The following NOVA2 variants were observed in gnomAD, a reference collection of about 807,000 sequenced individuals.
NOVA2 encodes the protein NOVA alternative splicing regulator 2.
NOVA2 carries 9 observed loss-of-function variants against 22.5 expected under a neutral mutation model. The observed-to-expected ratio is 0.40, with a 90% confidence interval of 0.24 to 0.70. The LOEUF is 0.70. NOVA2 is among the 30% of genes least tolerant of loss of function. NOVA2 has a pLI of 0.38. For synonymous variants in NOVA2, 318 were observed against 335.2 expected (o/e 0.95, Z 0.56); for missense variants, 383 against 682.8 (o/e 0.56, Z 4.89).
At position 45,961,256 on chromosome 19, in the gene NOVA2, G is replaced by T. The variant is rs374752656; in HGVS notation, c.86-103C>A. On this transcript the variant is annotated intron_variant, in intron 1 of 3. Transcript: ENST00000263257. ...CCAGGGGTCACAGTAGCAGTATGGA[G>T]AATAATACAAATAATGATCTTCATT... 1.8e-5 allele frequency: 12 copies of T among 683,138 alleles called. No individual in the cohort carries two copies. The East Asian group carries it at 2.5e-4, about 14-fold the overall frequency. 42.3% of individuals were successfully genotyped at this position (683,138 alleles called of 1,614,324 possible).
At chr19:45,943,058 T>C (rs1043970441) in intron 3 of NOVA2, among the ~76,000 whole-genome samples, 1 of 149,832 alleles carries the variant, frequency 6.7e-6, no homozygotes, top group Non-Finnish European at 1.5e-5. Context: ...GTCTACTTTT[T>C]TTTTTTTTTT....
chr19:45,968,268 G>A (rs1968191566), intron 1 of NOVA2, among the ~76,000 whole-genome samples: 1 of 151,882 alleles, frequency 6.6e-6, no homozygotes, highest in Admixed American at 6.6e-5. Context: ...GGAGGCTGGG[G>A]TTTGACATCG....
At chr19:45,947,530 G>A (rs1967860470) in intron 3 of NOVA2, among the ~76,000 whole-genome samples, 1 of 151,082 alleles carries the variant, frequency 6.6e-6, no homozygotes, top group African/African-American at 2.4e-5. Flanking sequence ...CTAGAGTGCA[G>A]TGGCGCAATC....
chr19:45,956,205 G>A (rs928053384), intron 2 of NOVA2, among the ~76,000 whole-genome samples: 32 of 149,226 alleles, frequency 2.1e-4, no homozygotes, highest in African/African-American at 6.4e-4. Context: ...GTCTGCCTCC[G>A]TCTGGTGTAA....
At chr19:45,961,644 T>C (rs1257731861) in intron 1 of NOVA2, among the ~76,000 whole-genome samples, 2 of 152,064 alleles carry the variant, frequency 1.3e-5, no homozygotes, top group African/African-American at 4.8e-5. Context: ...ACCTGATAGG[T>C]GCTATACTGT....
chr19:45,953,388 T>G (rs1043122653), intron 3 of NOVA2, among the ~76,000 whole-genome samples: 2 of 152,154 alleles, frequency 1.3e-5, no homozygotes, highest in African/African-American at 4.8e-5. Flanking sequence ...TAAACTCTTC[T>G]GGATGTGGCT....
Position 45,935,144 on chromosome 19 carries a change from T to TGGGGGGGGGGGGG in NOVA2, c.*4718_*4719insCCCCCCCCCCCCC, listed in dbSNP as rs1967638481. 4.2e-5 allele frequency: 1 copy of TGGGGGGGGGGGGG among 23,954 alleles called. No individual in the cohort carries two copies. Among genetic ancestry groups the TGGGGGGGGGGGGG allele is most frequent in the Non-Finnish European group, 8.6e-5 (1 of 11,602 alleles). 1.5% of individuals were successfully genotyped at this position (23,954 alleles called of 1,614,324 possible). ...GGGAGAGGTGGGGTAGGGAAAGGGG[T>TGGGGGGGGGGGGG]GGGGGAGGGGGGGTTAGGCAGTCCC... is the stretch of plus-strand genomic sequence containing the variant. On this transcript the variant is annotated 3_prime_UTR_variant, in exon 4 of 4. Coordinates refer to ENST00000263257, the MANE Select transcript of NOVA2 (RefSeq NM_002516.4).
chr19:45,952,248 C>T (rs1219585911), intron 3 of NOVA2, among the ~76,000 whole-genome samples: 6 of 152,170 alleles, frequency 3.9e-5, no homozygotes, highest in Non-Finnish European at 1.5e-5. Flanking sequence ...TTTCAAACAT[C>T]AACGAACACT....
chr19:45,946,815 C>G (rs925219937), intron 3 of NOVA2, among the ~76,000 whole-genome samples: 1 of 149,928 alleles, frequency 6.7e-6, no homozygotes, highest in African/African-American at 2.5e-5. Context: ...GAGGTTGCAG[C>G]GAGCCGAGAT....
intron 2 of NOVA2, among the ~76,000 whole-genome samples, chr19:45,958,498 AGTGT>A (rs755217404): frequency 1.4e-5 from 2 of 139,414 alleles, no homozygotes; most frequent in South Asian, 2.2e-4. Context: ...AATGAGTGTG[AGTGT>A]GTGTAAGCAT....
chr19:45,961,073 C>G lies in NOVA2; in HGVS notation c.166G>C (p.Val56Leu). 1 of 1,585,610 alleles carries G rather than the reference C, an allele frequency of 6.3e-7. No individual in the cohort carries two copies. Among genetic ancestry groups the G allele is most frequent in the Non-Finnish European group, 8.6e-7 (1 of 1,165,592 alleles). ...GCTCCGGTCTCCTTCTGCAGCTGCA[C>G]GATGGTCTGCCCGCCCTTGCCAATG... ...SIIGKGGQTI[V>L]QLQKETGATI... The change falls in exon 2 of 4, where the codon GTG (valine) becomes CTG (leucine). Residue 56 changes from valine to leucine, a missense_variant. Val to Leu is a conservative substitution (Grantham distance 32, BLOSUM62 1). This residue lies in a region of NOVA2 where 349 missense variants were observed against 578.1 expected (regional missense o/e 0.60). Coordinates refer to ENST00000263257, the MANE Select transcript of NOVA2 (RefSeq NM_002516.4).
At chr19:45,954,867 T>C (rs8103856) in intron 2 of NOVA2, among the ~76,000 whole-genome samples, 19 of 149,844 alleles carry the variant, frequency 1.3e-4, no homozygotes, top group African/African-American at 4.3e-4. Context: ...TGTGTGTGTG[T>C]GTGTGTGTGT....
intron 1 of NOVA2, among the ~76,000 whole-genome samples, chr19:45,971,599 G>A (rs1336204666): frequency 1.3e-5 from 2 of 152,122 alleles, no homozygotes; most frequent in Non-Finnish European, 2.9e-5. Context: ...TAGGATGGGA[G>A]GAAGAAAGTC....
chr19:45,972,540 G>C (rs1250921563), intron 1 of NOVA2, among the ~76,000 whole-genome samples: 1 of 152,012 alleles, frequency 6.6e-6, no homozygotes, highest in Non-Finnish European at 1.5e-5. Context: ...ACCTTTCCTT[G>C]TCACACGTAC....
Position 45,958,570 on chromosome 19 carries a change from GGTGTGA to G in NOVA2, c.229+2434_229+2439del, listed in dbSNP as rs917444197. ...GTGTAAGCGTGTGTGTGGGTGTGAGGGTGTGAGTGTGAATGAGTGTGTGTGAGCATG... is the reference window on the plus strand; with the variant it reads ...GTGTAAGCGTGTGTGTGGGTGTGAGGGTGTGAATGAGTGTGTGTGAGCATG... On this transcript the variant is annotated intron_variant, in intron 2 of 3. Transcript: ENST00000263257. Among the ~76,000 whole-genome samples the G allele has an allele frequency of 2.0e-5, 3 of 149,292 alleles. No homozygotes were observed. The East Asian group carries it at 5.8e-4, about 29-fold the overall frequency.
At chr19:45,960,224 G>A (rs1045908514) in intron 2 of NOVA2, among the ~76,000 whole-genome samples, 14 of 145,960 alleles carry the variant, frequency 9.6e-5, no homozygotes, top group Non-Finnish European at 1.3e-4. Context: ...AATGTGTGAC[G>A]CCCGCAGAGG....
chr19:45,948,360 G>T (rs1967871950), intron 3 of NOVA2, among the ~76,000 whole-genome samples: 2 of 152,134 alleles, frequency 1.3e-5, no homozygotes, highest in Admixed American at 1.3e-4. Context: ...AGAACTTTGG[G>T]AGGCCAAGGT....
chr19:45,946,918 G>A (rs187311226), intron 3 of NOVA2, among the ~76,000 whole-genome samples: 27 of 151,028 alleles, frequency 1.8e-4, no homozygotes, highest in South Asian at 8.4e-4. Context: ...GTGTGCGCAC[G>A]CGCATGTACA....
At chr19:45,942,933 G>A (rs991390775) in intron 3 of NOVA2, among the ~76,000 whole-genome samples, 2 of 152,022 alleles carry the variant, frequency 1.3e-5, no homozygotes, top group African/African-American at 4.8e-5. Context: ...GGTGGTTTTG[G>A]TTGTTGCAAG....
Sources: gnomAD v4.1 joint callset for allele counts (sites outside exome capture counted in the v4.1 genomes callset) on GRCh38, gnomAD v4.1.1 for gene constraint, gnomAD v4.1.1 regional missense constraint, MANE v1.5 for transcripts, NCBI Gene and HGNC (gene_info 2026-07-23, HGNC 2026-07-21) for gene names.